The following RTN4RL1 variants were observed in gnomAD, a reference collection of about 807,000 sequenced individuals.
RTN4RL1 encodes reticulon-4 receptor-like 1.
RTN4RL1 carries 7 observed loss-of-function variants against 25.6 expected under a neutral mutation model. The observed-to-expected ratio is 0.27, with a 90% confidence interval of 0.16 to 0.51. The LOEUF (loss-of-function observed/expected upper bound fraction) is 0.51, where lower values mean the gene tolerates loss of function less well. RTN4RL1 is among the 20% of genes least tolerant of loss of function. The probability of loss-of-function intolerance (pLI) is 0.97; values close to 1 mark genes in which losing one functional copy is unlikely to be tolerated. For missense variants in RTN4RL1, 500 were observed against 615.6 expected, an observed-to-expected ratio of 0.81 and a Z score of 1.99; for synonymous variants, 297 against 288.2, an observed-to-expected ratio of 1.03 and a Z score of -0.31.
At chr17:2,001,313 G>A (rs1274692067) in intron 1 of RTN4RL1, 2 of 151,938 alleles carry the variant, frequency 1.3e-5, no homozygotes, top group Non-Finnish European at 2.9e-5. Flanking sequence ...GGTGTGATCT[G>A]GGCTCACTGC....
chr17:1,967,893 A>G (rs937444604), intron 1 of RTN4RL1, among the ~76,000 whole-genome samples: 4 of 152,108 alleles, frequency 2.6e-5, no homozygotes, highest in African/African-American at 7.2e-5. Context: ...CACTCGCCTC[A>G]GCCTCCCAAA....
chr17:1,942,809 C>A (rs2151305111), intron 1 of RTN4RL1, among the ~76,000 whole-genome samples: 1 of 152,258 alleles, frequency 6.6e-6, no homozygotes, highest in African/African-American at 2.4e-5. Context: ...TCCTGTGAGG[C>A]CACACCTGCC....
At chr17:1,983,146 G>A (rs1381878688) in intron 1 of RTN4RL1, among the ~76,000 whole-genome samples, 3 of 151,950 alleles carry the variant, frequency 2.0e-5, no homozygotes, top group Admixed American at 6.6e-5. Flanking sequence ...CACCTCCCAG[G>A]TTCAAGCGAT....
chr17:1,995,965 G>C (rs2066927820), intron 1 of RTN4RL1, among the ~76,000 whole-genome samples: 1 of 152,232 alleles, frequency 6.6e-6, no homozygotes, highest in South Asian at 2.1e-4. Context: ...GATGCTGTTA[G>C]GCGGGTGGCG....
At chr17:1,942,880 G>T (rs1389073400) in intron 1 of RTN4RL1, among the ~76,000 whole-genome samples, 1 of 152,180 alleles carries the variant, frequency 6.6e-6, no homozygotes, top group Non-Finnish European at 1.5e-5. Flanking sequence ...CAGTGGGAAG[G>T]GGGCGACGTG....
chr17:1,953,843 G>T (rs941425385), intron 1 of RTN4RL1, among the ~76,000 whole-genome samples: 1 of 152,198 alleles, frequency 6.6e-6, no homozygotes, highest in South Asian at 2.1e-4. Flanking sequence ...GGGATTACAC[G>T]CATGAGCCAC....
chr17:2,005,739 TTCTCTC>T (rs61209329), intron 1 of RTN4RL1, among the ~76,000 whole-genome samples: 55 of 145,218 alleles, frequency 3.8e-4, no homozygotes, highest in South Asian at 6.7e-4. Context: ...CTCTCTCTCT[TTCTCTC>T]TCTCTCTCTC....
At chr17:1,961,867 G>A (rs1282638002) in intron 1 of RTN4RL1, among the ~76,000 whole-genome samples, 73 of 147,758 alleles carry the variant, frequency 4.9e-4, no homozygotes, top group Non-Finnish European at 5.9e-5. Context: ...AGAATCGCTC[G>A]AACCCGGGAG....
In RTN4RL1 at chr17:2,024,940, C is replaced by T. The variant is rs2067253316; in HGVS notation, c.-75G>A. On this transcript the variant is annotated 5_prime_UTR_variant, in exon 1 of 2. Coordinates refer to ENST00000331238, the MANE Select transcript of RTN4RL1 (RefSeq NM_178568.4). ...CGGGGTCCAGATTCAAATCCCTGGG[C>T]GCCAGCTGCAGCTAATCCGAGCGCG... The T allele has an allele frequency of 2.0e-6, 3 of 1,469,980 alleles. No homozygotes were observed. The highest frequency in any genetic ancestry group is 9.2e-7 in the Non-Finnish European group (1 of 1,083,526). The allele number at this position is 1,469,980 out of a possible 1,614,324, so 91.1% of individuals were successfully genotyped here. A position where few individuals can be genotyped will look rare whatever the true frequency, so the allele number is the denominator to read the frequency against.
At chr17:2,015,468 C>G (rs1267232714) in intron 1 of RTN4RL1, among the ~76,000 whole-genome samples, 1 of 152,116 alleles carries the variant, frequency 6.6e-6, no homozygotes, top group Non-Finnish European at 1.5e-5. Context: ...CCAAGCATGG[C>G]GCTGCCCGGG....
Position 1,994,067 on chromosome 17 carries a change from C to T in RTN4RL1, c.13+30786G>A, listed in dbSNP as rs182998541. On this transcript the variant is annotated intron_variant, in intron 1 of 1. Coordinates refer to ENST00000331238, the MANE Select transcript of RTN4RL1 (RefSeq NM_178568.4). This position sits in a 1 kb window ranked among gnomAD's most constrained non-coding sequence, Gnocchi z 4.3. ...CACCCCCGGCTACGCTGAACCACCCCGTTCCTCAGGACACGTGCACTCGAA... is the reference window on the plus strand; with the variant it reads ...CACCCCCGGCTACGCTGAACCACCCTGTTCCTCAGGACACGTGCACTCGAA... Among the ~76,000 whole-genome samples, 5 of 152,286 alleles carry T rather than the reference C, an allele frequency of 3.3e-5. No individual in the cohort carries two copies. In the East Asian group the frequency reaches 5.8e-4, roughly 18 times the overall value.
At chr17:1,984,607 G>C (rs977984159) in intron 1 of RTN4RL1, among the ~76,000 whole-genome samples, 1 of 152,188 alleles carries the variant, frequency 6.6e-6, no homozygotes, top group African/African-American at 2.4e-5. Context: ...CTCCCAACTT[G>C]AGAATTCTGA....
chr17:1,965,742 C>G (rs1256172673), intron 1 of RTN4RL1, among the ~76,000 whole-genome samples: 1 of 152,216 alleles, frequency 6.6e-6, no homozygotes, highest in Admixed American at 6.5e-5. Context: ...CCGCCAGGCC[C>G]CCACTGCCCT....
At chr17:1,975,365 G>T (rs909051898) in intron 1 of RTN4RL1, among the ~76,000 whole-genome samples, 2 of 152,066 alleles carry the variant, frequency 1.3e-5, no homozygotes, top group African/African-American at 4.8e-5. Context: ...GAAAACTTTG[G>T]GGGGACCAGA....
At chr17:1,987,105 T>C (rs1206790779) in intron 1 of RTN4RL1, among the ~76,000 whole-genome samples, 1 of 152,058 alleles carries the variant, frequency 6.6e-6, no homozygotes, top group East Asian at 1.9e-4. Flanking sequence ...TAGGCAGCCA[T>C]TTATTACAGG....
chr17:1,937,900 T>C lies in RTN4RL1; in HGVS notation c.14-92A>G, dbSNP rs914296105. The C allele has an allele frequency of 3.2e-5, 33 of 1,036,146 alleles. No homozygotes were observed. The African/African-American group carries it at 4.6e-4, about 14-fold the overall frequency. 64.2% of individuals were successfully genotyped at this position (1,036,146 alleles called of 1,614,324 possible). A position where few individuals can be genotyped will look rare whatever the true frequency, so the allele number is the denominator to read the frequency against. On this transcript the variant is annotated intron_variant, in intron 1 of 1. Transcript: ENST00000331238. ...GGCGCCCGCCGAGGACGCATCCTCG[T>C]CTTGGCTGAGCTCCGTGAGAGCCTT... is the stretch of plus-strand genomic sequence containing the variant.
intron 1 of RTN4RL1, among the ~76,000 whole-genome samples, chr17:1,997,148 C>T (rs2066932910): frequency 6.6e-6 from 1 of 152,266 alleles, no homozygotes; most frequent in Admixed American, 6.5e-5. Flanking sequence ...TGCATTCACA[C>T]TGCACTTAGA....
rs902887608 is a variant in RTN4RL1, at chr17:1,993,734, C to A, written c.13+31119G>T. Among the ~76,000 whole-genome samples the A allele has an allele frequency of 7.9e-5, 12 of 151,650 alleles. No individual in the cohort carries two copies. In the East Asian group the frequency reaches 1.9e-3, roughly 24 times the overall value. On this transcript the variant is annotated intron_variant, in intron 1 of 1. Coordinates refer to ENST00000331238, the MANE Select transcript of RTN4RL1 (RefSeq NM_178568.4). ...ACTTGAAACAATTCTGGAACTTCCT[C>A]GTGAGAAAACTGGCTCAGTTGGTTA...
intron 1 of RTN4RL1, among the ~76,000 whole-genome samples, chr17:1,995,013 G>T (rs866181546): frequency 6.6e-6 from 1 of 152,098 alleles, no homozygotes; most frequent in Non-Finnish European, 1.5e-5. Context: ...CCTGTGTCTG[G>T]AGCATGTGGT....
Sources: gnomAD v4.1 joint callset for allele counts (sites outside exome capture counted in the v4.1 genomes callset) on GRCh38, gnomAD v4.1.1 for gene constraint, Gnocchi (gnomAD v3.1) non-coding constraint, MANE v1.5 for transcripts, NCBI Gene and HGNC (gene_info 2026-07-23, HGNC 2026-07-21) for gene names.